The following RBM47 variants were observed in gnomAD, a reference collection of about 807,000 sequenced individuals.
RBM47 encodes RNA-binding protein 47.
A neutral mutation model predicts 47.1 loss-of-function variants in RBM47; 21 were observed. That is an observed-to-expected ratio of 0.45 (90% CI 0.32 to 0.64). The LOEUF (loss-of-function observed/expected upper bound fraction) is 0.64. Among genes scored for constraint, RBM47 ranks in the 30% least tolerant of loss-of-function variants. RBM47 has a pLI of 0.05. For synonymous variants in RBM47, 375 were observed against 361.7 expected (o/e 1.04, Z -0.42); for missense variants, 708 against 870.9 (o/e 0.81, Z 2.35).
At chr4:40,545,261 C>A (rs1373646807) in intron 1 of RBM47, among the ~76,000 whole-genome samples, 1 of 146,488 alleles carries the variant, frequency 6.8e-6, no homozygotes, top group Non-Finnish European at 1.5e-5. Context: ...CCATGTTGGT[C>A]AGGCTGGTCT....
At chr4:40,491,375 G>T in intron 2 of RBM47, among the ~76,000 whole-genome samples, 1 of 152,116 alleles carries the variant, frequency 6.6e-6, no homozygotes, top group Non-Finnish European at 1.5e-5. Flanking sequence ...ACTCTTGGAA[G>T]AAAACATGGG....
intron 3 of RBM47, among the ~76,000 whole-genome samples, chr4:40,465,502 A>G (rs758198086): frequency 1.2e-4 from 19 of 152,170 alleles, no homozygotes; most frequent in Non-Finnish European, 2.5e-4. Context: ...TCTACTAAAA[A>G]TACAAAAAAA....
At chr4:40,495,044 C>T (rs1424884157) in intron 2 of RBM47, among the ~76,000 whole-genome samples, 1 of 152,098 alleles carries the variant, frequency 6.6e-6, no homozygotes, top group Admixed American at 6.5e-5. Flanking sequence ...CCAGCTCAAG[C>T]GATCCTCCTG....
At chr4:40,427,784 C>T (rs1450037087) in intron 6 of RBM47, among the ~76,000 whole-genome samples, 1 of 151,994 alleles carries the variant, frequency 6.6e-6, no homozygotes, top group African/African-American at 2.4e-5. Flanking sequence ...CAAAATTGTG[C>T]TCAAAGGAAC....
chr4:40,436,735 GC>G, intron 4 of RBM47, 88 bp from the exon 5 acceptor site: 1 of 1,285,444 alleles, frequency 7.8e-7, no homozygotes. Context: ...GCATTTAACT[GC>G]CCCAGTCTTA....
intron 2 of RBM47, among the ~76,000 whole-genome samples, chr4:40,524,477 TTCTC>T (rs1202894755): frequency 1.3e-5 from 2 of 152,238 alleles, no homozygotes; most frequent in African/African-American, 4.8e-5. Context: ...GTTGCTCATC[TTCTC>T]TCTGTTTCAC....
chr4:40,620,771 C>T lies in RBM47; in HGVS notation c.-240+8625G>A, dbSNP rs563202669. Among the ~76,000 whole-genome samples, 22 of 152,174 alleles carry T rather than the reference C, an allele frequency of 1.4e-4. No homozygotes were observed. In the East Asian group the frequency reaches 3.9e-3, roughly 27 times the overall value. ...CTGCTTTTTAACTCCTGGGCTCAAG[C>T]AATCCACCCACCTCAGTCTCCCAAA... On this transcript the variant is annotated intron_variant, in intron 1 of 6. Transcript: ENST00000295971.
intron 1 of RBM47, 74 bp downstream of exon 1, chr4:40,629,322 T>C (rs550436716): frequency 2.0e-5 from 3 of 152,186 alleles, no homozygotes; most frequent in South Asian, 2.1e-4. Flanking sequence ...GAAAAAAATA[T>C]ACACTTCAAA....
At chr4:40,444,017 G>A (rs1393012959) in intron 3 of RBM47, among the ~76,000 whole-genome samples, 3 of 152,010 alleles carry the variant, frequency 2.0e-5, no homozygotes, top group Non-Finnish European at 2.9e-5. Flanking sequence ...TGGGCAACAT[G>A]GCAAAACCCC....
intron 2 of RBM47, among the ~76,000 whole-genome samples, chr4:40,518,158 C>CTTTTTTTTTTTTTTTTT (rs530465415): frequency 1.4e-5 from 1 of 70,690 alleles, no homozygotes; most frequent in Non-Finnish European, 2.5e-5. Flanking sequence ...CTTTTCTTTT[C>CTTTTTTTTTTTTTTTTT]TTTTTTTTTT....
intron 2 of RBM47, among the ~76,000 whole-genome samples, chr4:40,501,552 G>T (rs1723368439): frequency 6.6e-6 from 1 of 152,260 alleles, no homozygotes; most frequent in East Asian, 1.9e-4. Context: ...TCCTTGGCAT[G>T]TGTGTAGTGC....
At chr4:40,473,898 A>T (rs1719258053) in intron 2 of RBM47, among the ~76,000 whole-genome samples, 1 of 152,224 alleles carries the variant, frequency 6.6e-6, no homozygotes, top group Admixed American at 6.5e-5. Flanking sequence ...TGGAAATATA[A>T]TTTTACAAAT....
intron 1 of RBM47, among the ~76,000 whole-genome samples, chr4:40,575,464 G>A (rs10017365): frequency 0.5 from 74,645 of 150,470 alleles, 22,017 homozygotes; most frequent in African/African-American, 0.83. Flanking sequence ...AGGCAGGAAA[G>A]TCGCTTGAAC....
rs186033316 is a variant in RBM47 at position 40,532,289 on chromosome 4, C to G, written c.-155+12133G>C. ...CCTCCCAAAATGCTGGGATTACAGA[C>G]GTGAGTCACCACGCCCGGCATTTTT... On this transcript the variant is annotated intron_variant, in intron 2 of 6. Coordinates refer to ENST00000295971, the MANE Select transcript of RBM47 (RefSeq NM_001098634.2). Among the ~76,000 whole-genome samples the G allele has an allele frequency of 2.4e-3, 345 of 144,392 alleles. 3 individuals are homozygous for G. The highest frequency in any genetic ancestry group is 0.012 in the Middle Eastern group (3 of 244). 94.7% of individuals were successfully genotyped at this position (144,392 alleles called of 152,430 possible). A position where few individuals can be genotyped will look rare whatever the true frequency, so the allele number is the denominator to read the frequency against.
intron 2 of RBM47, among the ~76,000 whole-genome samples, chr4:40,497,512 G>A (rs1375285807): frequency 6.6e-6 from 1 of 151,770 alleles, no homozygotes. Flanking sequence ...CCAGCTACTC[G>A]GGAGGCTGAG....
intron 2 of RBM47, among the ~76,000 whole-genome samples, chr4:40,509,554 T>C (rs930961081): frequency 2.0e-5 from 3 of 152,124 alleles, no homozygotes; most frequent in East Asian, 1.9e-4. Context: ...CTGGGCAACA[T>C]AGTGAGACCC....
intron 2 of RBM47, among the ~76,000 whole-genome samples, chr4:40,507,696 GA>G (rs1724310121): frequency 6.6e-6 from 1 of 150,502 alleles, no homozygotes; most frequent in Non-Finnish European, 1.5e-5. Flanking sequence ...CTGAGGCAAG[GA>G]ATTACTTGAA....
chr4:40,614,993 AC>A (rs1178624498), intron 1 of RBM47, among the ~76,000 whole-genome samples: 68 of 152,078 alleles, frequency 4.5e-4, no homozygotes, highest in African/African-American at 1.6e-3. Context: ...AGGTACAGTG[AC>A]TCACACTTGT....
intron 6 of RBM47, among the ~76,000 whole-genome samples, chr4:40,426,572 C>T (rs1715078292): frequency 6.6e-6 from 1 of 152,050 alleles, no homozygotes; most frequent in Non-Finnish European, 1.5e-5. Flanking sequence ...CAAGGTCTCA[C>T]TATGTTGCCC....
Sources: gnomAD v4.1 joint callset for allele counts (sites outside exome capture counted in the v4.1 genomes callset) on GRCh38, gnomAD v4.1.1 for gene constraint, MANE v1.5 for transcripts, NCBI Gene and HGNC (gene_info 2026-07-23, HGNC 2026-07-21) for gene names.